The following CTDSPL variants were observed in gnomAD, a reference collection of about 807,000 sequenced individuals.
CTDSPL encodes CTD small phosphatase like.
CTDSPL carries 8 observed loss-of-function variants against 30.5 expected under a neutral mutation model. That is an observed-to-expected ratio of 0.26 (90% CI 0.15 to 0.47). The LOEUF is 0.47. Ranked by LOEUF, CTDSPL falls within the 20% of genes least tolerant of loss-of-function variation. The pLI is 0.99. For missense variants in CTDSPL, 248 were observed against 366.1 expected, an observed-to-expected ratio of 0.68 and a Z score of 2.63; for synonymous variants, 110 against 137.9, an observed-to-expected ratio of 0.80 and a Z score of 1.42.
intron 1 of CTDSPL, among the ~76,000 whole-genome samples, chr3:37,903,689 C>T (rs1033086563): frequency 4.6e-5 from 7 of 152,200 alleles, no homozygotes; most frequent in South Asian, 2.1e-4. Context: ...CTGCCAGACT[C>T]CTCTCAATTT....
At chr3:37,926,818 G>GA (rs1698786697) in intron 1 of CTDSPL, among the ~76,000 whole-genome samples, 1 of 152,196 alleles carries the variant, frequency 6.6e-6, no homozygotes, top group Non-Finnish European at 1.5e-5. Context: ...AGCCAGGAGT[G>GA]AACAAGCTCC....
At chr3:37,898,870 G>A (rs1401874865) in intron 1 of CTDSPL, among the ~76,000 whole-genome samples, 1 of 152,156 alleles carries the variant, frequency 6.6e-6, no homozygotes, top group Non-Finnish European at 1.5e-5. Flanking sequence ...GGTCAGAGAA[G>A]CCTCATATCT....
rs1699513374 is a variant in CTDSPL, at chr3:37,983,277, A to G, written c.*2410A>G. On this transcript the variant is annotated 3_prime_UTR_variant, in exon 8 of 8. Transcript: ENST00000273179. Reference sequence around the variant, plus strand: ...CCCTTGAATCTGCTTTATGTACATAATCAAAATATCTATATCTATATCTAT... The same window carrying G: ...CCCTTGAATCTGCTTTATGTACATAGTCAAAATATCTATATCTATATCTAT... The G allele has an allele frequency of 6.6e-6, 1 of 150,628 alleles. No individual in the cohort carries two copies. The highest frequency in any genetic ancestry group is 1.5e-5 in the Non-Finnish European group (1 of 67,986). The allele number at this position is 150,628 out of a possible 1,614,324, so 9.3% of individuals were successfully genotyped here.
chr3:37,929,107 T>C (rs1200565553), intron 1 of CTDSPL, among the ~76,000 whole-genome samples: 1 of 152,248 alleles, frequency 6.6e-6, no homozygotes, highest in Non-Finnish European at 1.5e-5. Flanking sequence ...GGTTTATTTC[T>C]GCACTCTCTA....
intron 6 of CTDSPL, among the ~76,000 whole-genome samples, chr3:37,973,726 A>C (rs1699393657): frequency 6.6e-6 from 1 of 152,242 alleles, no homozygotes; most frequent in Non-Finnish European, 1.5e-5. Flanking sequence ...TCATTCACCC[A>C]GCAAATATTT....
At chr3:37,967,670 T>G (rs1256531688) in intron 4 of CTDSPL, among the ~76,000 whole-genome samples, 156 bp from the exon 5 acceptor site, 1 of 152,236 alleles carries the variant, frequency 6.6e-6, no homozygotes. Flanking sequence ...CTGCTTGTGC[T>G]TATTTTAAGG....
At chr3:37,965,461 A>G (rs183140283) in intron 4 of CTDSPL, among the ~76,000 whole-genome samples, 46 of 152,274 alleles carry the variant, frequency 3.0e-4, no homozygotes, top group African/African-American at 1.1e-3. Context: ...TGGAAATAGG[A>G]GATTGGTGTT....
intron 1 of CTDSPL, among the ~76,000 whole-genome samples, chr3:37,864,456 T>G (rs898548908): frequency 2.6e-5 from 4 of 152,216 alleles, no homozygotes; most frequent in East Asian, 1.9e-4. Flanking sequence ...AGATTGGTTG[T>G]TTGTTAACCG....
Position 37,863,049 on chromosome 3 carries a change from G to A in CTDSPL, c.79+771G>A, listed in dbSNP as rs536017343. ...AGACAATGAGGCCATGTGTCTGGGT[G>A]TGTTTAGTTGGTTGTGCAAGTGCTG... On this transcript the variant is annotated intron_variant, in intron 1 of 7. Coordinates refer to ENST00000273179, the MANE Select transcript of CTDSPL (RefSeq NM_001008392.2). 5.9e-5 allele frequency among the ~76,000 whole-genome samples: 9 copies of A among 152,342 alleles called. 1 individual carries two copies. In the South Asian group the frequency reaches 1.9e-3, roughly 32 times the overall value.
At chr3:37,967,916 A>T in intron 5 of CTDSPL, 34 bp downstream of exon 5, 1 of 1,448,370 alleles carries the variant, frequency 6.9e-7, no homozygotes, top group African/African-American at 1.4e-5. Flanking sequence ...AGTTTCAATT[A>T]AGATTTTTTA....
intron 1 of CTDSPL, among the ~76,000 whole-genome samples, chr3:37,916,203 G>C (rs928625937): frequency 6.6e-5 from 10 of 152,170 alleles, no homozygotes; most frequent in Admixed American, 6.5e-4. Flanking sequence ...CTCTTCACCA[G>C]AATCTTGGCC....
intron 1 of CTDSPL, among the ~76,000 whole-genome samples, chr3:37,894,359 C>T (rs946445862): frequency 6.6e-6 from 1 of 152,050 alleles, no homozygotes; most frequent in Non-Finnish European, 1.5e-5. Context: ...CTCCCACCTC[C>T]GCCTCCCAAA....
chr3:37,864,751 T>C (rs1404639104), intron 1 of CTDSPL, among the ~76,000 whole-genome samples: 1 of 152,024 alleles, frequency 6.6e-6, no homozygotes, highest in Non-Finnish European at 1.5e-5. Flanking sequence ...TAATTTTACA[T>C]TATGTAAAAA....
At chr3:37,914,823 T>A (rs1214162029) in intron 1 of CTDSPL, among the ~76,000 whole-genome samples, 1 of 151,756 alleles carries the variant, frequency 6.6e-6, no homozygotes, top group African/African-American at 2.4e-5. Flanking sequence ...TTGGGAAGTG[T>A]TTTTTGTTGT....
At chr3:37,924,265 C>G (rs1212136840) in intron 1 of CTDSPL, among the ~76,000 whole-genome samples, 4 of 152,098 alleles carry the variant, frequency 2.6e-5, no homozygotes, top group Admixed American at 6.5e-5. Context: ...TCTAGGGCTG[C>G]CATTTGCTTT....
Position 37,947,248 on chromosome 3 carries a change from T to C in CTDSPL, c.234+37T>C, listed in dbSNP as rs770073870. 5 of 1,590,798 alleles carry C rather than the reference T, an allele frequency of 3.1e-6. No homozygotes were observed. The South Asian group carries it at 5.6e-5, about 18-fold the overall frequency. On this transcript the variant is annotated intron_variant, in intron 2 of 7. Coordinates refer to ENST00000273179, the MANE Select transcript of CTDSPL (RefSeq NM_001008392.2). The stretch of plus-strand genomic sequence containing the variant: ...TGAGGAACTGTGCCCTCCATAAAAC[T>C]GCAGCAGTGGCATCTCTGTCCCATC...
intron 1 of CTDSPL, among the ~76,000 whole-genome samples, chr3:37,894,305 C>T (rs1209878672): frequency 6.6e-6 from 1 of 151,798 alleles, no homozygotes; most frequent in African/African-American, 2.4e-5. Flanking sequence ...TAGAGTCTCG[C>T]TATATTGCCC....
intron 2 of CTDSPL, among the ~76,000 whole-genome samples, chr3:37,951,150 G>A (rs1263809857): frequency 1.3e-5 from 2 of 149,702 alleles, no homozygotes; most frequent in South Asian, 2.1e-4. Flanking sequence ...GGCAGATCAC[G>A]AGGTCAGGAG....
At position 37,984,341 on chromosome 3, in the gene CTDSPL, G is replaced by A. The variant is rs1699529945; in HGVS notation, c.*3474G>A. 2.2e-6 allele frequency: 1 copy of A among 455,964 alleles called. No homozygotes were observed. Among genetic ancestry groups the A allele is most frequent in the Admixed American group, 2.4e-5 (1 of 42,542 alleles). 28.2% of individuals were successfully genotyped at this position (455,964 alleles called of 1,614,324 possible). A position where few individuals can be genotyped will look rare whatever the true frequency, so the allele number is the denominator to read the frequency against. ...ATGGATTTCTGCTGGACATTTGAAT[G>A]TGATAAACAATCCAGCATTACTTAG... On this transcript the variant is annotated 3_prime_UTR_variant, in exon 8 of 8. Coordinates refer to ENST00000273179, the MANE Select transcript of CTDSPL (RefSeq NM_001008392.2).
Sources: gnomAD v4.1 joint callset for allele counts (sites outside exome capture counted in the v4.1 genomes callset) on GRCh38, gnomAD v4.1.1 for gene constraint, MANE v1.5 for transcripts, NCBI Gene and HGNC (gene_info 2026-07-23, HGNC 2026-07-21) for gene names.